Variants in PTPRR observed in about 807,000 individuals in gnomAD.
PTPRR encodes the protein receptor-type tyrosine-protein phosphatase R.
Under a neutral mutation model 77.2 loss-of-function variants are expected in PTPRR, and 38 were observed. The ratio of observed to expected loss-of-function variants is 0.49; its 90% CI spans 0.38 to 0.65. The LOEUF is 0.65. Among genes scored for constraint, PTPRR ranks in the 30% least tolerant of loss-of-function variants. The pLI is 0.00. For synonymous variants in PTPRR, 299 were observed against 283.1 expected (o/e 1.06, Z -0.57); for missense variants, 744 against 799.2 (o/e 0.93, Z 0.83).
intron 13 of PTPRR, among the ~76,000 whole-genome samples, chr12:70,645,258 G>T (rs1886154719): frequency 6.6e-6 from 1 of 152,198 alleles, no homozygotes; most frequent in Non-Finnish European, 1.5e-5. Flanking sequence ...TCACAAAGAA[G>T]TTTGAAAACC....
At chr12:70,665,364 C>CTTTTTTT (rs72472808) in intron 10 of PTPRR, among the ~76,000 whole-genome samples, 589 of 44,720 alleles carry the variant, frequency 0.013, 28 homozygotes, top group Non-Finnish European at 0.021. Context: ...AATGCAAATT[C>CTTTTTTT]TTTTTTTTTT....
intron 2 of PTPRR, among the ~76,000 whole-genome samples, chr12:70,771,269 C>T (rs1262035350): frequency 6.6e-6 from 1 of 151,946 alleles, no homozygotes; most frequent in Non-Finnish European, 1.5e-5. Context: ...GCAGCCAGAC[C>T]ATTATCCCAA....
intron 2 of PTPRR, among the ~76,000 whole-genome samples, chr12:70,848,932 T>C (rs1892529591): frequency 6.6e-6 from 1 of 152,218 alleles, no homozygotes; most frequent in Admixed American, 6.5e-5. Context: ...TCACAAATAA[T>C]TTTTTAATAT....
intron 2 of PTPRR, among the ~76,000 whole-genome samples, chr12:70,792,909 T>A (rs145324360): frequency 6.6e-6 from 1 of 152,306 alleles, no homozygotes. Flanking sequence ...TTTAGCAGAA[T>A]TCTTTCCATT....
At chr12:70,765,321 T>C (rs1003586055) in intron 2 of PTPRR, among the ~76,000 whole-genome samples, 1 of 152,156 alleles carries the variant, frequency 6.6e-6, no homozygotes, top group Non-Finnish European at 1.5e-5. Flanking sequence ...ACTGCGCTTT[T>C]CCGACGGGCT....
intron 10 of PTPRR, among the ~76,000 whole-genome samples, chr12:70,673,370 T>C (rs1036516353): frequency 6.6e-6 from 1 of 152,172 alleles, no homozygotes; most frequent in African/African-American, 2.4e-5. Flanking sequence ...GATTCAAAGA[T>C]TGAAATGCTC....
chr12:70,736,346 T>C (rs1889860885), intron 6 of PTPRR, among the ~76,000 whole-genome samples: 1 of 152,174 alleles, frequency 6.6e-6, no homozygotes, highest in South Asian at 2.1e-4. Context: ...AGTGTGACGC[T>C]CCATAATATA....
At chr12:70,763,997 C>T (rs896916744) in intron 3 of PTPRR, among the ~76,000 whole-genome samples, 1 of 148,744 alleles carries the variant, frequency 6.7e-6, no homozygotes, top group African/African-American at 2.5e-5. Context: ...ACAACAGATC[C>T]TTTGGGTTTA....
At chr12:70,649,945 A>T (rs1036629032) in intron 13 of PTPRR, among the ~76,000 whole-genome samples, 2 of 152,064 alleles carry the variant, frequency 1.3e-5, no homozygotes, top group Non-Finnish European at 2.9e-5. Context: ...CTTCACCACA[A>T]AGCTTCTTGA....
intron 2 of PTPRR, among the ~76,000 whole-genome samples, chr12:70,773,022 G>A (rs757226099): frequency 9.2e-5 from 14 of 152,078 alleles, no homozygotes; most frequent in Non-Finnish European, 1.8e-4. Context: ...GTGTTTGCCA[G>A]CAATCCTTGG....
chr12:70,767,749 G>T (rs1408330368), intron 2 of PTPRR, among the ~76,000 whole-genome samples: 4 of 152,046 alleles, frequency 2.6e-5, no homozygotes, highest in Non-Finnish European at 4.4e-5. Flanking sequence ...TTCCAAAATT[G>T]ACCACATACT....
intron 2 of PTPRR, among the ~76,000 whole-genome samples, chr12:70,877,653 G>T (rs61930374): frequency 1.3e-5 from 2 of 151,926 alleles, no homozygotes; most frequent in Non-Finnish European, 2.9e-5. Flanking sequence ...GAATCAATAT[G>T]GTGAAAATGG....
chr12:70,872,768 T>C (rs1364751703), intron 2 of PTPRR, among the ~76,000 whole-genome samples: 3 of 147,908 alleles, frequency 2.0e-5, no homozygotes, highest in Admixed American at 2.0e-4. Flanking sequence ...AGGGTAAATG[T>C]GTGACAATGA....
At chr12:70,726,917 A>T (rs1889460517) in intron 6 of PTPRR, among the ~76,000 whole-genome samples, 1 of 151,368 alleles carries the variant, frequency 6.6e-6, no homozygotes, top group Non-Finnish European at 1.5e-5. Flanking sequence ...ACTTATTCCC[A>T]TTTTTTTCTC....
intron 2 of PTPRR, among the ~76,000 whole-genome samples, chr12:70,805,294 G>T (rs933520728): frequency 6.6e-6 from 1 of 151,588 alleles, no homozygotes; most frequent in Admixed American, 6.6e-5. Flanking sequence ...AATGATTTTT[G>T]AGGGAGTTTA....
At chr12:70,872,146 C>T (rs147991504) in intron 2 of PTPRR, among the ~76,000 whole-genome samples, 5 of 151,710 alleles carry the variant, frequency 3.3e-5, no homozygotes, top group Admixed American at 2.6e-4. Context: ...AAAGTTCATT[C>T]TGTAAAAGGC....
At chr12:70,664,173 A>C (rs1021841589) in intron 10 of PTPRR, among the ~76,000 whole-genome samples, 2 of 152,204 alleles carry the variant, frequency 1.3e-5, no homozygotes. Flanking sequence ...ATGCCACCTG[A>C]GACTCTCAGG....
intron 13 of PTPRR, among the ~76,000 whole-genome samples, chr12:70,640,775 C>T (rs996129276): frequency 3.3e-5 from 5 of 152,118 alleles, no homozygotes; most frequent in African/African-American, 1.2e-4. Context: ...AACTGGGCTT[C>T]TATGTTTATT....
At chr12:70,818,657 A>C (rs1891950653) in intron 2 of PTPRR, among the ~76,000 whole-genome samples, 1 of 152,222 alleles carries the variant, frequency 6.6e-6, no homozygotes, top group Non-Finnish European at 1.5e-5. Context: ...ATGTTGCCTT[A>C]GAGGCCTGTT....
Sources: allele counts gnomAD v4.1 joint callset (sites outside exome capture counted in the v4.1 genomes callset), GRCh38; gene constraint gnomAD v4.1.1; transcripts MANE v1.5; gene names NCBI Gene and HGNC (gene_info 2026-07-23, HGNC 2026-07-21).